The following KIF21B variants were observed in gnomAD, a reference collection of about 807,000 sequenced individuals.
KIF21B encodes the protein kinesin family member 21B.
KIF21B carries 85 observed loss-of-function variants against 192.9 expected under a neutral mutation model. That is an observed-to-expected ratio of 0.44 (90% CI 0.37 to 0.53). The LOEUF (loss-of-function observed/expected upper bound fraction) is 0.53. Among genes scored for constraint, KIF21B ranks in the 20% least tolerant of loss-of-function variants. KIF21B has a pLI of 0.00. For missense variants in KIF21B, 1,716 were observed against 2,194.8 expected (o/e 0.78, Z 4.36); for synonymous variants, 832 against 884.6 (o/e 0.94, Z 1.05).
chr1:200,990,457 G>T lies in KIF21B; in HGVS notation c.2835+119C>A. 1 of 1,480,266 alleles carries T rather than the reference G, an allele frequency of 6.8e-7. No homozygotes were observed. Among genetic ancestry groups the T allele is most frequent in the Non-Finnish European group, 9.2e-7 (1 of 1,087,506 alleles). 91.7% of individuals were successfully genotyped at this position (1,480,266 alleles called of 1,614,324 possible). ...CCCCCCAGCACCTCTGGATTCCAGA[G>T]CAGGCAAAAGGAGCAGAGGGAAGTG... is the stretch of plus-strand genomic sequence containing the variant. On this transcript the variant is annotated intron_variant, in intron 19 of 34. Coordinates refer to ENST00000461742, the MANE Select transcript of KIF21B (RefSeq NM_001252102.2). This position sits in a 1 kb window ranked among gnomAD's most constrained non-coding sequence, Gnocchi z 5.4.
At chr1:200,983,991 A>G (rs1449027675) in intron 27 of KIF21B, among the ~76,000 whole-genome samples, 2 of 152,186 alleles carry the variant, frequency 1.3e-5, no homozygotes, top group Non-Finnish European at 2.9e-5. Context: ...AGGCCACAGC[A>G]CTGTCACCCC....
chr1:201,023,129 C>T lies in KIF21B; in HGVS notation c.41+214G>A, dbSNP rs1658948863. ...TCCCAAGAGGGGCCCAAAATTACCA[C>T]CCAAACAAAGCCACCTTCCAGTAGT... On this transcript the variant is annotated intron_variant, in intron 1 of 34. Coordinates refer to ENST00000461742, the MANE Select transcript of KIF21B (RefSeq NM_001252102.2). This position sits in a 1 kb window ranked among gnomAD's most constrained non-coding sequence, Gnocchi z 5.9. Among the ~76,000 whole-genome samples the T allele has an allele frequency of 2.6e-5, 4 of 152,382 alleles. No individual in the cohort carries two copies. The South Asian group carries it at 8.3e-4, about 32-fold the overall frequency.
chr1:201,009,183 G>T (rs1178373416), intron 2 of KIF21B, 83 bp downstream of exon 2: 2 of 1,356,340 alleles, frequency 1.5e-6, no homozygotes, highest in Non-Finnish European at 2.1e-6. Context: ...TGTTTCAGCT[G>T]CTCTGAAGGT....
chr1:201,020,529 G>A (rs1323431817), intron 1 of KIF21B, among the ~76,000 whole-genome samples: 7 of 152,272 alleles, frequency 4.6e-5, no homozygotes, highest in African/African-American at 9.6e-5. Context: ...GTGCAAAGCC[G>A]ACTAGCCTGG....
At chr1:201,014,204 C>A (rs998360362) in intron 1 of KIF21B, among the ~76,000 whole-genome samples, 1 of 152,254 alleles carries the variant, frequency 6.6e-6, no homozygotes, top group Non-Finnish European at 1.5e-5. Context: ...TGTGGGAAGC[C>A]GTCCTCCACC....
chr1:200,973,827 G>A lies in KIF21B; in HGVS notation c.4815-249C>T, dbSNP rs925460805. 268 of 1,431,850 alleles carry A rather than the reference G, an allele frequency of 1.9e-4. 2 individuals carry two copies. The highest frequency in any genetic ancestry group is 2.5e-4 in the Middle Eastern group (1 of 3,956). 88.7% of individuals were successfully genotyped at this position (1,431,850 alleles called of 1,614,324 possible). ...TTTTCTTTTTTTGGGGGGGTGTTTC[G>A]TTTTGTCCAGGCCTGAAGGCTCCCC... On this transcript the variant is annotated intron_variant, in intron 34 of 34. Transcript: ENST00000461742.
chr1:201,009,124 A>G, intron 2 of KIF21B, 142 bp downstream of exon 2: 2 of 1,108,682 alleles, frequency 1.8e-6, no homozygotes, highest in Non-Finnish European at 2.6e-6. Flanking sequence ...CCCTCTGCTA[A>G]CCAGCGGTGC....
chr1:201,004,099 G>A (rs371497572), intron 7 of KIF21B, among the ~76,000 whole-genome samples: 3 of 152,136 alleles, frequency 2.0e-5, no homozygotes, highest in Non-Finnish European at 4.4e-5. Flanking sequence ...CTATCATCTC[G>A]TCTGGGTCAT....
chr1:200,980,031 T>C (rs1655815861), intron 29 of KIF21B, among the ~76,000 whole-genome samples: 1 of 152,148 alleles, frequency 6.6e-6, no homozygotes, highest in Non-Finnish European at 1.5e-5. Flanking sequence ...ATTCTTAAGC[T>C]TTTATGGTGC....
intron 24 of KIF21B, 48 bp downstream of exon 24, chr1:200,988,248 G>A: frequency 6.5e-7 from 1 of 1,546,122 alleles, no homozygotes; most frequent in South Asian, 1.1e-5. Context: ...CAGGCTGTGT[G>A]GAGGCTGGCC....
At chr1:200,991,599 A>G in intron 17 of KIF21B, 58 bp downstream of exon 17, 1 of 1,510,006 alleles carries the variant, frequency 6.6e-7, no homozygotes, top group Non-Finnish European at 9.2e-7. Flanking sequence ...CAATGCACAC[A>G]TGCACGCACA....
rs755352541 is a variant in KIF21B, at chr1:200,973,475, A to C, written c.*46T>G. ...TCACAGCTTCCCTTCCATGGTGTCC[A>C]GGCTGCTGGGGTCGAGGGTCCGGGG... On this transcript the variant is annotated 3_prime_UTR_variant, in exon 35 of 35. Coordinates refer to ENST00000461742, the MANE Select transcript of KIF21B (RefSeq NM_001252102.2). 8.5e-6 allele frequency: 12 copies of C among 1,406,960 alleles called. No homozygotes were observed. The South Asian group carries it at 1.6e-4, about 18-fold the overall frequency. The allele number at this position is 1,406,960 out of a possible 1,614,324, so 87.2% of individuals were successfully genotyped here. A position where few individuals can be genotyped will look rare whatever the true frequency, so the allele number is the denominator to read the frequency against.
chr1:201,002,460 T>C (rs1657557760), intron 8 of KIF21B, 110 bp from the exon 9 acceptor site: 2 of 942,690 alleles, frequency 2.1e-6, no homozygotes, highest in African/African-American at 3.2e-5. Context: ...CCCCTGGATA[T>C]GGCGCATCAC....
chr1:200,990,542 G>A lies in KIF21B; in HGVS notation c.2835+34C>T. The stretch of plus-strand genomic sequence containing the variant: ...GAGGTGTCAGAGGACAGGCAGAGGG[G>A]TGGAATGGAAGAGAAGGGGGAGGCA... On this transcript the variant is annotated intron_variant, in intron 19 of 34. Coordinates refer to ENST00000461742, the MANE Select transcript of KIF21B (RefSeq NM_001252102.2). The surrounding 1 kb of genome is among the most constrained non-coding windows in gnomAD (Gnocchi z 5.4). The A allele has an allele frequency of 1.2e-6, 2 of 1,607,676 alleles. No individual in the cohort carries two copies. Among genetic ancestry groups the A allele is most frequent in the South Asian group, 1.1e-5 (1 of 90,462 alleles).
At chr1:200,989,803 G>A (rs1216608197) in intron 21 of KIF21B, 139 bp downstream of exon 21, 1 of 638,198 alleles carries the variant, frequency 1.6e-6, no homozygotes. Context: ...GGCATGGGAG[G>A]TGCAGAGGTT....
At chr1:201,016,066 G>A (rs1355470191) in intron 1 of KIF21B, among the ~76,000 whole-genome samples, 1 of 152,198 alleles carries the variant, frequency 6.6e-6, no homozygotes, top group Non-Finnish European at 1.5e-5. Context: ...ACCCTGTGAA[G>A]CTGGGGATAT....
chr1:200,977,674 CCTCT>C (rs1200543792), intron 30 of KIF21B, among the ~76,000 whole-genome samples: 1 of 148,826 alleles, frequency 6.7e-6, no homozygotes, highest in African/African-American at 2.6e-5. Flanking sequence ...CGGAAATCAA[CCTCT>C]CTGAGTCTCG....
chr1:200,988,546 TGTGGGAGG>T lies in KIF21B; in HGVS notation c.3299-10_3299-3del. 1.5e-6 allele frequency: 1 copy of T among 672,082 alleles called. No individual in the cohort carries two copies. 41.6% of individuals were successfully genotyped at this position (672,082 alleles called of 1,614,324 possible). A position where few individuals can be genotyped will look rare whatever the true frequency, so the allele number is the denominator to read the frequency against. The stretch of plus-strand genomic sequence containing the variant: ...CATCTGTGCTGGCGTAGCCATTCTC[TGTGGGAGG>T]GCGGGAGGGAGGGAAAGGGGTTGAG... On this transcript the variant is annotated splice_polypyrimidine_tract_variant and splice_region_variant and intron_variant, in intron 22 of 34. Transcript: ENST00000461742.
intron 1 of KIF21B, among the ~76,000 whole-genome samples, chr1:201,013,516 G>T (rs1045083400): frequency 6.6e-6 from 1 of 152,092 alleles, no homozygotes; most frequent in Non-Finnish European, 1.5e-5. Context: ...GATCTCTAAG[G>T]TCTTCCTTTT....
Sources: gnomAD v4.1 joint callset for allele counts (sites outside exome capture counted in the v4.1 genomes callset) on GRCh38, gnomAD v4.1.1 for gene constraint, Gnocchi (gnomAD v3.1) non-coding constraint, MANE v1.5 for transcripts, NCBI Gene and HGNC (gene_info 2026-07-23, HGNC 2026-07-21) for gene names.